ABHD2: variants seen among roughly 807,000 people sequenced by gnomAD.
ABHD2 encodes monoacylglycerol lipase ABHD2.
ABHD2 carries 20 observed loss-of-function variants against 48.1 expected under a neutral mutation model. That is an observed-to-expected ratio of 0.42 (90% CI 0.29 to 0.60). The LOEUF is 0.60. Among genes scored for constraint, ABHD2 ranks in the 20% least tolerant of loss-of-function variants. ABHD2 has a pLI of 0.24. For missense variants in ABHD2, 405 were observed against 550.9 expected, an observed-to-expected ratio of 0.74 and a Z score of 2.65; for synonymous variants, 209 against 214.2, an observed-to-expected ratio of 0.98 and a Z score of 0.21.
chr15:89,044,273 T>C, the ABHD2 span, among the ~76,000 whole-genome samples: 1 of 152,230 alleles, frequency 6.6e-6, no homozygotes, highest in African/African-American at 2.4e-5. Flanking sequence ...ATGGTGTATA[T>C]GTGCCACATT....
intron 1 of ABHD2, among the ~76,000 whole-genome samples, chr15:89,105,710 C>T (rs1028178169): frequency 1.3e-5 from 2 of 152,230 alleles, no homozygotes; most frequent in Non-Finnish European, 2.9e-5. Context: ...GTAACCCACT[C>T]CCGCCCTTTC....
intron 2 of ABHD2, among the ~76,000 whole-genome samples, chr15:89,115,257 T>C (rs1596076339): frequency 1.3e-5 from 2 of 152,300 alleles, no homozygotes; most frequent in East Asian, 3.9e-4. Flanking sequence ...TTCCCTGATT[T>C]TTAAGGTTAA....
the ABHD2 span, among the ~76,000 whole-genome samples, chr15:89,067,523 G>C: frequency 6.6e-6 from 1 of 152,200 alleles, no homozygotes; most frequent in Admixed American, 6.5e-5. Context: ...CCTGGGCTTA[G>C]ATTGTGGTGT....
intron 3 of ABHD2, among the ~76,000 whole-genome samples, chr15:89,143,103 C>T (rs762722344): frequency 6.6e-5 from 10 of 151,862 alleles, no homozygotes; most frequent in Non-Finnish European, 1.0e-4. Flanking sequence ...TTTTTTTGTC[C>T]GTGTCATATA....
rs2051436167 is a variant in ABHD2 at position 89,198,430 on chromosome 15, T to G, written c.*3007T>G. ...TAATGTTTTTATGTTAGAAGTGAGTTTAACAGACTTGAAGAAAACTGTTAT... is the reference window on the plus strand; with the variant it reads ...TAATGTTTTTATGTTAGAAGTGAGTGTAACAGACTTGAAGAAAACTGTTAT... On this transcript the variant is annotated 3_prime_UTR_variant, in exon 11 of 11. Coordinates refer to ENST00000352732, the MANE Select transcript of ABHD2 (RefSeq NM_152924.5). The surrounding 1 kb of genome is among the most constrained non-coding windows in gnomAD (Gnocchi z 5.1). The G allele has an allele frequency of 6.6e-6, 1 of 152,210 alleles. No individual in the cohort carries two copies. The highest frequency in any genetic ancestry group is 6.5e-5 in the Admixed American group (1 of 15,282). 9.4% of individuals were successfully genotyped at this position (152,210 alleles called of 1,614,324 possible).
chr15:89,076,578 G>C, the ABHD2 span, among the ~76,000 whole-genome samples: 3 of 152,022 alleles, frequency 2.0e-5, no homozygotes, highest in African/African-American at 4.8e-5. Flanking sequence ...CTACCTCCTG[G>C]GCTCAGGTGA....
Position 89,188,375 on chromosome 15 carries a change from C to T in ABHD2, c.926+72C>T, listed in dbSNP as rs2051248706. 1.1e-5 allele frequency: 15 copies of T among 1,358,696 alleles called. 1 individual carries two copies. In the South Asian group the frequency reaches 1.7e-4, roughly 15 times the overall value. The allele number at this position is 1,358,696 out of a possible 1,614,324, so 84.2% of individuals were successfully genotyped here. ...GGCAGGAGGCTGCAGGTCAGCTGTG[C>T]CCAGCACTAGTGTTTGCTCTGCCTA... On this transcript the variant is annotated intron_variant, in intron 8 of 10. Transcript: ENST00000352732. This position sits in a 1 kb window ranked among gnomAD's most constrained non-coding sequence, Gnocchi z 4.1.
At chr15:89,080,235 T>G in the ABHD2 span, among the ~76,000 whole-genome samples, 12 of 152,120 alleles carry the variant, frequency 7.9e-5, no homozygotes, top group Middle Eastern at 3.4e-3. Context: ...GGTGCAGAGG[T>G]TTTGCCCAAG....
At chr15:89,143,150 C>T (rs1013263569) in intron 3 of ABHD2, among the ~76,000 whole-genome samples, 5 of 152,096 alleles carry the variant, frequency 3.3e-5, no homozygotes, top group Non-Finnish European at 5.9e-5. Flanking sequence ...AGTTCTCTTG[C>T]GGCTGTTAGT....
chr15:89,093,420 C>T (rs1281658663), intron 1 of ABHD2, among the ~76,000 whole-genome samples: 2 of 152,102 alleles, frequency 1.3e-5, no homozygotes, highest in Non-Finnish European at 2.9e-5. Flanking sequence ...ATCCTCTTGC[C>T]TCAGCCTCCC....
the ABHD2 span, among the ~76,000 whole-genome samples, chr15:89,080,593 G>A: frequency 1.3e-5 from 2 of 152,096 alleles, no homozygotes; most frequent in South Asian, 2.1e-4. Flanking sequence ...TATCAAACAC[G>A]AAAGAACAAT....
the ABHD2 span, among the ~76,000 whole-genome samples, chr15:89,074,694 C>G: frequency 6.6e-6 from 1 of 152,154 alleles, no homozygotes; most frequent in Non-Finnish European, 1.5e-5. Flanking sequence ...GCCCCCAGGC[C>G]TGTATGAGGT....
rs1256694491 is a variant in ABHD2, at chr15:89,120,997, G to A, written c.194+4476G>A. Among the ~76,000 whole-genome samples, 3 of 152,132 alleles carry A rather than the reference G, an allele frequency of 2.0e-5. No homozygotes were observed. Among genetic ancestry groups the A allele is most frequent in the East Asian group, 1.9e-4 (1 of 5,196 alleles). The stretch of plus-strand genomic sequence containing the variant: ...CTGCTTTCACCAAACCATGATGAAC[G>A]TTGCCATGAACATTCACCCATGCTG... On this transcript the variant is annotated intron_variant, in intron 3 of 10. Transcript: ENST00000352732. The surrounding 1 kb of genome is among the most constrained non-coding windows in gnomAD (Gnocchi z 4.2).
Position 89,137,403 on chromosome 15 carries a change from T to C in ABHD2, c.195-14274T>C, listed in dbSNP as rs1312452725. Among the ~76,000 whole-genome samples, 3 of 152,222 alleles carry C rather than the reference T, an allele frequency of 2.0e-5. No individual in the cohort carries two copies. The highest frequency in any genetic ancestry group is 7.2e-5 in the African/African-American group (3 of 41,452). On this transcript the variant is annotated intron_variant, in intron 3 of 10. Coordinates refer to ENST00000352732, the MANE Select transcript of ABHD2 (RefSeq NM_152924.5). The surrounding 1 kb of genome is among the most constrained non-coding windows in gnomAD (Gnocchi z 4.8). ...TTTATTTTTCCTTGGAGCAAAAAAG[T>C]AGTTTCTTTTTAAGTGGTTTTATTG...
At chr15:89,121,426 C>T (rs1354454172) in intron 3 of ABHD2, among the ~76,000 whole-genome samples, 1 of 150,428 alleles carries the variant, frequency 6.6e-6, no homozygotes, top group Non-Finnish European at 1.5e-5. Flanking sequence ...AGCCCCCGTA[C>T]TCCTGGACAG....
Position 89,193,250 on chromosome 15 carries a change from A to G in ABHD2, c.1012A>G (p.Met338Val). 1.2e-6 allele frequency: 2 copies of G among 1,614,188 alleles called. No individual in the cohort carries two copies. The highest frequency in any genetic ancestry group is 1.1e-5 in the South Asian group (1 of 91,082). Reference sequence around the variant, plus strand: ...CTTGTTGCAGATTTATGTTCCTCTCATGCTGGTTAATGCAGCTGACGATCC... The same window carrying G: ...CTTGTTGCAGATTTATGTTCCTCTCGTGCTGGTTAATGCAGCTGACGATCC... Reference protein sequence around the residue: ...RYLHRIYVPLMLVNAADDPLV... With the variant: ...RYLHRIYVPLVLVNAADDPLV... The change falls in exon 10 of 11, where the codon ATG becomes GTG. Residue 338 changes from methionine to valine, a missense_variant. By Grantham distance (21) the Met-to-Val change is conservative. Transcript: ENST00000352732.
chr15:89,078,623 C>G, the ABHD2 span, among the ~76,000 whole-genome samples: 1 of 152,074 alleles, frequency 6.6e-6, no homozygotes, highest in African/African-American at 2.4e-5. Flanking sequence ...CAATTGCTTA[C>G]AAGGAAATTT....
chr15:89,161,042 A>G (rs1045245111), intron 5 of ABHD2, among the ~76,000 whole-genome samples: 1 of 152,096 alleles, frequency 6.6e-6, no homozygotes, highest in Non-Finnish European at 1.5e-5. Flanking sequence ...TTCTACCTAA[A>G]AGAACTCCTA....
intron 3 of ABHD2, among the ~76,000 whole-genome samples, chr15:89,144,641 A>G (rs111601347): frequency 2.0e-5 from 3 of 152,156 alleles, no homozygotes; most frequent in African/African-American, 4.8e-5. Flanking sequence ...GAATATGTCA[A>G]CCTACAGAGA....
Sources: gnomAD v4.1 joint callset for allele counts (sites outside exome capture counted in the v4.1 genomes callset) on GRCh38, gnomAD v4.1.1 for gene constraint, Gnocchi (gnomAD v3.1) non-coding constraint, MANE v1.5 for transcripts, NCBI Gene and HGNC (gene_info 2026-07-23, HGNC 2026-07-21) for gene names.